CNTLN: variants seen among roughly 807,000 people sequenced by gnomAD.
CNTLN encodes centlein, also known as centlein, centrosomal protein.
A neutral mutation model predicts 180.0 loss-of-function variants in CNTLN; 212 were observed. The ratio of observed to expected loss-of-function variants is 1.18; its 90% CI spans 1.05 to 1.32. The LOEUF (loss-of-function observed/expected upper bound fraction) is 1.32, where lower values mean the gene tolerates loss of function less well. Among genes scored for constraint, CNTLN ranks in the 40% most tolerant of loss-of-function variants. CNTLN has a pLI of 0.00. For synonymous variants in CNTLN, 722 were observed against 563.1 expected (o/e 1.28, Z -3.99); for missense variants, 2,095 against 1,610.9 (o/e 1.30, Z -5.14).
At position 17,330,648 on chromosome 9, in the gene CNTLN, C is replaced by T; in HGVS notation, c.1358C>T (p.Ser453Phe). 5.0e-6 allele frequency: 8 copies of T among 1,595,622 alleles called. No individual in the cohort carries two copies. Among genetic ancestry groups the T allele is most frequent in the Non-Finnish European group, 6.8e-6 (8 of 1,171,426 alleles). ...TTAAAATAGGTACCTCATCGCCCAT[C>T]CTTATCAAGCTTAGAAACGTTAATG... ...DYSAQVPHRP[S>F]LSSLETLMVS... The change falls in exon 9 of 26, where the codon TCC becomes TTC. Residue 453 changes from serine to phenylalanine, a missense_variant. Coordinates refer to ENST00000380647, the MANE Select transcript of CNTLN (RefSeq NM_017738.4).
chr9:17,175,722 A>G (rs1434378129), intron 2 of CNTLN, among the ~76,000 whole-genome samples: 4 of 151,762 alleles, frequency 2.6e-5, no homozygotes, highest in Non-Finnish European at 5.9e-5. Flanking sequence ...AATTTGGGGG[A>G]GAATTGTTGA....
At position 17,170,334 on chromosome 9, in the gene CNTLN, C is replaced by G. The variant is rs141883812; in HGVS notation, c.449+26958C>G. On this transcript the variant is annotated intron_variant, in intron 2 of 25. Coordinates refer to ENST00000380647, the MANE Select transcript of CNTLN (RefSeq NM_017738.4). ...TATATAAGATTGTGTTGTATAAAGACAGTGGCAGTTTTACTTCTTCCTTTC... is the reference window on the plus strand; with the variant it reads ...TATATAAGATTGTGTTGTATAAAGAGAGTGGCAGTTTTACTTCTTCCTTTC... 5.2e-3 allele frequency among the ~76,000 whole-genome samples: 792 copies of G among 152,158 alleles called. 4 individuals are homozygous for G. The highest frequency in any genetic ancestry group is 0.018 in the African/African-American group (762 of 41,536).
intron 2 of CNTLN, among the ~76,000 whole-genome samples, chr9:17,185,422 C>T (rs1821366650): frequency 6.6e-6 from 1 of 152,206 alleles, no homozygotes; most frequent in Non-Finnish European, 1.5e-5. Flanking sequence ...CATGTTGGCA[C>T]AGCATTGTTT....
intron 5 of CNTLN, among the ~76,000 whole-genome samples, chr9:17,270,322 C>T (rs1012858517): frequency 1.3e-4 from 20 of 151,932 alleles, no homozygotes; most frequent in Non-Finnish European, 2.1e-4. Context: ...GTTTTTAAAT[C>T]GTAAGGTGTT....
At chr9:17,195,134 T>G (rs1290860448) in intron 2 of CNTLN, among the ~76,000 whole-genome samples, 1 of 152,174 alleles carries the variant, frequency 6.6e-6, no homozygotes, top group African/African-American at 2.4e-5. Context: ...CCTTGAAACT[T>G]TAAAGATAAA....
chr9:17,290,464 T>A (rs1369261262), intron 6 of CNTLN, among the ~76,000 whole-genome samples: 1 of 147,674 alleles, frequency 6.8e-6, no homozygotes, highest in African/African-American at 2.5e-5. Context: ...GTCTTTTTGT[T>A]TGTCTGTGCC....
At chr9:17,314,641 C>T (rs1042357465) in intron 8 of CNTLN, among the ~76,000 whole-genome samples, 1 of 152,182 alleles carries the variant, frequency 6.6e-6, no homozygotes. Flanking sequence ...ATTTTAGTCT[C>T]CTAACGTTAT....
At chr9:17,469,484 G>A (rs1265850300) in intron 23 of CNTLN, among the ~76,000 whole-genome samples, 1 of 151,700 alleles carries the variant, frequency 6.6e-6, no homozygotes, top group African/African-American at 2.4e-5. Context: ...CATCTTTCTT[G>A]TCCTTGCACA....
intron 12 of CNTLN, among the ~76,000 whole-genome samples, chr9:17,362,078 A>G (rs1400346962): frequency 6.6e-6 from 1 of 152,200 alleles, no homozygotes; most frequent in African/African-American, 2.4e-5. Context: ...GTCTGTAAAT[A>G]TTTATTAAAA....
chr9:17,373,333 C>G (rs1289057821), intron 13 of CNTLN, among the ~76,000 whole-genome samples: 1 of 152,020 alleles, frequency 6.6e-6, no homozygotes, highest in Admixed American at 6.6e-5. Context: ...ATGCCAACAG[C>G]AAACAATCTG....
intron 15 of CNTLN, among the ~76,000 whole-genome samples, chr9:17,400,498 A>G (rs991120538): frequency 4.6e-5 from 7 of 152,236 alleles, no homozygotes; most frequent in African/African-American, 1.7e-4. Context: ...TTACCAAACT[A>G]CTTTTGTTCA....
At chr9:17,140,927 A>G (rs1017737162) in intron 1 of CNTLN, among the ~76,000 whole-genome samples, 1 of 152,072 alleles carries the variant, frequency 6.6e-6, no homozygotes, top group African/African-American at 2.4e-5. Flanking sequence ...TAACTGGTAC[A>G]TAAAATCCAT....
At chr9:17,386,078 G>T (rs1043600961) in intron 13 of CNTLN, among the ~76,000 whole-genome samples, 1 of 151,794 alleles carries the variant, frequency 6.6e-6, no homozygotes, top group Non-Finnish European at 1.5e-5. Flanking sequence ...ATCACAAACT[G>T]ACCTTTAAGA....
chr9:17,143,400 A>T, intron 2 of CNTLN, 24 bp downstream of exon 2: 2 of 1,556,544 alleles, frequency 1.3e-6, no homozygotes, highest in Non-Finnish European at 1.8e-6. Flanking sequence ...TTATTTTTTC[A>T]TGAGTATTTG....
At chr9:17,153,146 A>C (rs1168462480) in intron 2 of CNTLN, among the ~76,000 whole-genome samples, 2 of 152,162 alleles carry the variant, frequency 1.3e-5, no homozygotes, top group African/African-American at 2.4e-5. Context: ...TGGGGCACTT[A>C]GCCCGTTTAC....
At chr9:17,378,486 G>T (rs1824966152) in intron 13 of CNTLN, among the ~76,000 whole-genome samples, 1 of 151,970 alleles carries the variant, frequency 6.6e-6, no homozygotes, top group Non-Finnish European at 1.5e-5. Flanking sequence ...GCCTTCTTTT[G>T]TTCTTTCTTA....
chr9:17,316,870 C>T (rs1483249994), intron 8 of CNTLN, among the ~76,000 whole-genome samples: 1 of 152,082 alleles, frequency 6.6e-6, no homozygotes, highest in African/African-American at 2.4e-5. Context: ...CATAGAAATT[C>T]ATGTGAACTT....
chr9:17,225,805 G>T (rs972248515), intron 2 of CNTLN, among the ~76,000 whole-genome samples: 12 of 151,886 alleles, frequency 7.9e-5, no homozygotes, highest in African/African-American at 2.7e-4. Context: ...ATAGGGTATC[G>T]ACTATAAGTA....
At position 17,272,646 on chromosome 9, in the gene CNTLN, C is replaced by G. The variant is rs1191311072; in HGVS notation, c.850-1087C>G. On this transcript the variant is annotated intron_variant, in intron 5 of 25. Transcript: ENST00000380647. Reference sequence around the variant, plus strand: ...ATGAGCAGCTTTACCCAGATCCTATCTGTGGTGTGTTAAAAAATTTCTTCT... The same window carrying G: ...ATGAGCAGCTTTACCCAGATCCTATGTGTGGTGTGTTAAAAAATTTCTTCT... 2.6e-5 allele frequency among the ~76,000 whole-genome samples: 4 copies of G among 152,132 alleles called. No homozygotes were observed. In the East Asian group the frequency reaches 7.7e-4, roughly 29 times the overall value.
Sources: allele counts gnomAD v4.1 joint callset (sites outside exome capture counted in the v4.1 genomes callset), GRCh38; gene constraint gnomAD v4.1.1; transcripts MANE v1.5; gene names NCBI Gene and HGNC (gene_info 2026-07-23, HGNC 2026-07-21).